Variants in MAPRE3 observed in about 807,000 individuals in gnomAD.
MAPRE3 encodes microtubule associated protein RP/EB family member 3.
A neutral mutation model predicts 30.5 loss-of-function variants in MAPRE3; 2 were observed. That is an observed-to-expected ratio of 0.07 (90% CI 0.03 to 0.21). The LOEUF is 0.21. Ranked by LOEUF, MAPRE3 falls within the 10% of genes least tolerant of loss-of-function variation. The pLI is 1.00. For missense variants in MAPRE3, 204 were observed against 351.8 expected, an observed-to-expected ratio of 0.58 and a Z score of 3.36; for synonymous variants, 110 against 127.7, an observed-to-expected ratio of 0.86 and a Z score of 0.93.
Position 26,983,873 on chromosome 2 carries a change from A to G in MAPRE3, c.-8+13071A>G, listed in dbSNP as rs115441161. Among the ~76,000 whole-genome samples the G allele has an allele frequency of 8.4e-3, 1,273 of 152,318 alleles. 17 individuals are homozygous for G. Among genetic ancestry groups the G allele is most frequent in the African/African-American group, 0.03 (1,237 of 41,566 alleles). On this transcript the variant is annotated intron_variant, in intron 1 of 6. Coordinates refer to ENST00000233121, the MANE Select transcript of MAPRE3 (RefSeq NM_012326.4). ...TTCCCAAGATACCCATTGAAGGCCC[A>G]AGGCAAGCAAAGAGAAACAACTGAG...
intron 1 of MAPRE3, among the ~76,000 whole-genome samples, chr2:26,973,146 T>C (rs1665946069): frequency 6.6e-6 from 1 of 152,170 alleles, no homozygotes; most frequent in African/African-American, 2.4e-5. Flanking sequence ...CCAAGGTGCA[T>C]CCTCATTTTA....
Position 27,026,598 on chromosome 2 carries a change from G to T in MAPRE3, c.*250G>T. 1 of 446,868 alleles carries T rather than the reference G, an allele frequency of 2.2e-6. No individual in the cohort carries two copies. The highest frequency in any genetic ancestry group is 3.9e-6 in the Non-Finnish European group (1 of 253,640). The allele number at this position is 446,868 out of a possible 1,614,324, so 27.7% of individuals were successfully genotyped here. ...CCCTATTTATTTCCGTTGTCTCTCT[G>T]CTGTGTCGCCCAACACTTCCCAGGG... On this transcript the variant is annotated 3_prime_UTR_variant, in exon 7 of 7. Transcript: ENST00000233121.
chr2:27,023,204 T>C, intron 2 of MAPRE3, 128 bp from the exon 3 acceptor site: 1 of 999,732 alleles, frequency 1.0e-6, no homozygotes, highest in South Asian at 1.7e-5. Flanking sequence ...ATGTCTATCC[T>C]GAAAGTAGGA....
chr2:26,974,641 C>G (rs1011827796), intron 1 of MAPRE3, among the ~76,000 whole-genome samples: 2 of 152,178 alleles, frequency 1.3e-5, no homozygotes, highest in African/African-American at 4.8e-5. Flanking sequence ...CGGAGGCAGC[C>G]TGACCTCTGG....
At chr2:26,972,814 C>G (rs2148193368) in intron 1 of MAPRE3, among the ~76,000 whole-genome samples, 1 of 152,292 alleles carries the variant, frequency 6.6e-6, no homozygotes, top group East Asian at 1.9e-4. Context: ...TTCAGAGGAT[C>G]AGAGTAGTTT....
At chr2:27,019,400 G>A (rs1412282189) in intron 1 of MAPRE3, among the ~76,000 whole-genome samples, 2 of 151,696 alleles carry the variant, frequency 1.3e-5, no homozygotes, top group African/African-American at 4.8e-5. Flanking sequence ...GGGGACCCAG[G>A]CCAGAAGGTG....
chr2:27,024,240 C>T lies in MAPRE3; in HGVS notation c.412C>T (p.Pro138Ser), dbSNP rs1378583508. 1 of 1,614,234 alleles carries T rather than the reference C, an allele frequency of 6.2e-7. No individual in the cohort carries two copies. The highest frequency in any genetic ancestry group is 1.1e-5 in the South Asian group (1 of 91,086). The change falls in exon 4 of 7, where the codon CCT (proline) becomes TCT (serine). Residue 138 changes from proline (P) to serine (S), a missense_variant. Transcript: ENST00000233121. Reference protein sequence around the residue: ...LARQGQDVAPPPNPGDQIFNK... With the variant: ...LARQGQDVAPSPNPGDQIFNK... ...GCGGCAGGGCCAGGACGTAGCGCCA[C>T]CTCCTAACCCAGGTGATCAGATCTT...
intron 3 of MAPRE3, 50 bp from the exon 4 acceptor site, chr2:27,024,046 T>TAGCCAC (rs1667176686): frequency 6.9e-7 from 1 of 1,456,788 alleles, no homozygotes; most frequent in South Asian, 1.2e-5. Flanking sequence ...AGGAAGGCGG[T>TAGCCAC]CCTACAGCAG....
At chr2:27,023,285 CAGA>C (rs775718051) in intron 2 of MAPRE3, 44 bp from the exon 3 acceptor site, 36 of 1,565,904 alleles carry the variant, frequency 2.3e-5, no homozygotes, top group Non-Finnish European at 1.8e-5. Flanking sequence ...GAGCAGCTCA[CAGA>C]AGGAGAGCAG....
chr2:26,991,301 T>C (rs1049154737), intron 1 of MAPRE3, among the ~76,000 whole-genome samples: 5 of 152,024 alleles, frequency 3.3e-5, no homozygotes, highest in African/African-American at 4.8e-5. Context: ...AGTCAATCAG[T>C]CCCAGGGGAG....
At chr2:26,981,470 A>C (rs1666111390) in intron 1 of MAPRE3, among the ~76,000 whole-genome samples, 2 of 152,216 alleles carry the variant, frequency 1.3e-5, no homozygotes, top group Admixed American at 1.3e-4. Flanking sequence ...ATGAGCAGTA[A>C]GGAGGCCACT....
intron 1 of MAPRE3, among the ~76,000 whole-genome samples, chr2:27,009,454 C>A (rs1666801574): frequency 6.6e-6 from 1 of 152,204 alleles, no homozygotes; most frequent in South Asian, 2.1e-4. Context: ...ATAAAATCCT[C>A]TGCAGAATTA....
At chr2:27,014,023 G>A (rs1666923724) in intron 1 of MAPRE3, 1 of 152,230 alleles carries the variant, frequency 6.6e-6, no homozygotes, top group Non-Finnish European at 1.5e-5. Flanking sequence ...AAAGCCTGTA[G>A]CCAAGTCACA....
chr2:26,978,659 C>G (rs1221481686), intron 1 of MAPRE3, among the ~76,000 whole-genome samples: 2 of 152,222 alleles, frequency 1.3e-5, no homozygotes, highest in South Asian at 2.1e-4. Context: ...GATAAGACTT[C>G]TATTACCCCA....
intron 5 of MAPRE3, 55 bp downstream of exon 5, chr2:27,025,792 T>A: frequency 1.2e-6 from 2 of 1,613,770 alleles, no homozygotes. Context: ...AGCCAGGCCC[T>A]TGGGGTGTCT....
intron 1 of MAPRE3, among the ~76,000 whole-genome samples, chr2:26,982,152 C>G (rs1436562162): frequency 6.6e-6 from 1 of 152,168 alleles, no homozygotes; most frequent in African/African-American, 2.4e-5. Context: ...AAGTCCTTTC[C>G]TCCTCTGACC....
At chr2:27,024,039 A>ACTGTGT in intron 3 of MAPRE3, 57 bp from the exon 4 acceptor site, 1 of 1,382,794 alleles carries the variant, frequency 7.2e-7, no homozygotes, top group Non-Finnish European at 1.0e-6. Context: ...TCAGCAGAGG[A>ACTGTGT]AGGCGGTCCT....
At chr2:27,013,325 A>C (rs1016464602) in intron 1 of MAPRE3, 2 of 152,200 alleles carry the variant, frequency 1.3e-5, no homozygotes, top group Admixed American at 6.5e-5. Flanking sequence ...ATCCAGCAGC[A>C]CCATGTTATA....
At chr2:26,973,524 C>T (rs920721785) in intron 1 of MAPRE3, among the ~76,000 whole-genome samples, 3 of 151,570 alleles carry the variant, frequency 2.0e-5, no homozygotes, top group Non-Finnish European at 4.4e-5. Flanking sequence ...TAACATTTGT[C>T]AGAAGCCGAA....
Sources: allele counts gnomAD v4.1 joint callset (sites outside exome capture counted in the v4.1 genomes callset), GRCh38; gene constraint gnomAD v4.1.1; transcripts MANE v1.5; gene names NCBI Gene and HGNC (gene_info 2026-07-23, HGNC 2026-07-21).